Variants in DRC11 observed in about 807,000 individuals in gnomAD.
DRC11 encodes dynein regulatory complex subunit 11.
At chr2:236,315,330 A>G in the DRC11 span, among the ~76,000 whole-genome samples, 1 of 152,194 alleles carries the variant, frequency 6.6e-6, no homozygotes, top group Non-Finnish European at 1.5e-5. This position sits in a 1 kb window ranked among gnomAD's most constrained non-coding sequence, Gnocchi z 5.1. Flanking sequence ...GTAAACTCGC[A>G]GATATAAATG....
At chr2:236,359,624 C>T in the DRC11 span, among the ~76,000 whole-genome samples, 7 of 152,182 alleles carry the variant, frequency 4.6e-5, no homozygotes, top group African/African-American at 1.7e-4. This position sits in a 1 kb window ranked among gnomAD's most constrained non-coding sequence, Gnocchi z 4.3. Context: ...TCTTGAGCCA[C>T]AGCCCGTGTT....
At chr2:236,389,508 G>T in the DRC11 span, among the ~76,000 whole-genome samples, 1 of 152,204 alleles carries the variant, frequency 6.6e-6, no homozygotes, top group African/African-American at 2.4e-5. Flanking sequence ...GCAATGCCTC[G>T]CCCTGCTTCG....
At chr2:236,355,739 CTCTCTCTCTCTG>C in the DRC11 span, among the ~76,000 whole-genome samples, 26 of 147,450 alleles carry the variant, frequency 1.8e-4, no homozygotes, top group South Asian at 1.5e-3. Flanking sequence ...CTCTCTCTCT[CTCTCTCTCTCTG>C]TGTGTGTGTG....
chr2:236,358,188 A>T, the DRC11 span, among the ~76,000 whole-genome samples: 2 of 116,398 alleles, frequency 1.7e-5, no homozygotes, highest in African/African-American at 6.7e-5. Flanking sequence ...TACTCTATGA[A>T]TATATAATAT....
the DRC11 span, chr2:236,392,356 C>T: frequency 2.7e-6 from 4 of 1,504,754 alleles, no homozygotes; most frequent in South Asian, 3.7e-5. The surrounding 1 kb of genome is among the most constrained non-coding windows in gnomAD (Gnocchi z 5.1). Flanking sequence ...GATTTCTACA[C>T]TCCAGAAGGG....
At chr2:236,309,225 C>T in the DRC11 span, among the ~76,000 whole-genome samples, 1 of 152,180 alleles carries the variant, frequency 6.6e-6, no homozygotes. The surrounding 1 kb of genome is among the most constrained non-coding windows in gnomAD (Gnocchi z 5.7). Context: ...GTGCCCTGGC[C>T]CTGTCAGTCC....
chr2:236,375,830 G>A, the DRC11 span, among the ~76,000 whole-genome samples: 2 of 152,200 alleles, frequency 1.3e-5, no homozygotes, highest in Non-Finnish European at 2.9e-5. This position sits in a 1 kb window ranked among gnomAD's most constrained non-coding sequence, Gnocchi z 4.2. Flanking sequence ...ACAGAAGAAT[G>A]ATATCTATTC....
At chr2:236,505,673 G>C in the DRC11 span, among the ~76,000 whole-genome samples, 8,253 of 152,086 alleles carry the variant, frequency 0.054, 768 homozygotes, top group African/African-American at 0.19. Flanking sequence ...CACCTCCAGA[G>C]CACCCACCCA....
chr2:236,357,284 AT>A, the DRC11 span, among the ~76,000 whole-genome samples: 12 of 108,882 alleles, frequency 1.1e-4, no homozygotes, highest in African/African-American at 3.4e-4. Flanking sequence ...TATATTATAT[AT>A]TTATATATTA....
chr2:236,418,171 A>G, the DRC11 span, among the ~76,000 whole-genome samples: 930 of 152,266 alleles, frequency 6.1e-3, 9 homozygotes, highest in African/African-American at 0.021. Context: ...CAATGGTTGA[A>G]CTAATTTACA....
chr2:236,402,361 G>A, the DRC11 span, among the ~76,000 whole-genome samples: 1 of 152,146 alleles, frequency 6.6e-6, no homozygotes, highest in Non-Finnish European at 1.5e-5. The surrounding 1 kb of genome is among the most constrained non-coding windows in gnomAD (Gnocchi z 6.0). Flanking sequence ...AATCCACCAC[G>A]TCTTTTTTCA....
the DRC11 span, among the ~76,000 whole-genome samples, chr2:236,506,216 C>T: frequency 7.9e-5 from 12 of 152,206 alleles, no homozygotes; most frequent in Admixed American, 7.8e-4. The surrounding 1 kb of genome is among the most constrained non-coding windows in gnomAD (Gnocchi z 4.9). Context: ...CTCCTCTTCC[C>T]CCAGCCTTAC....
the DRC11 span, among the ~76,000 whole-genome samples, chr2:236,412,036 T>C: frequency 6.6e-6 from 1 of 151,548 alleles, no homozygotes; most frequent in African/African-American, 2.4e-5. Flanking sequence ...CCCTAAAACT[T>C]AAAGTATAAT....
the DRC11 span, among the ~76,000 whole-genome samples, chr2:236,416,721 TTATATATATATATA>T: frequency 2.7e-3 from 174 of 64,236 alleles, 1 homozygote; most frequent in Middle Eastern, 7.7e-3. Flanking sequence ...ATATATATAT[TTATATATATATATA>T]TATATATATA....
the DRC11 span, chr2:236,324,675 T>C: frequency 4.1e-6 from 6 of 1,478,030 alleles, no homozygotes; most frequent in African/African-American, 5.5e-5. This position sits in a 1 kb window ranked among gnomAD's most constrained non-coding sequence, Gnocchi z 5.7. Flanking sequence ...TTTTTTGCCT[T>C]TTTCTCTTTC....
chr2:236,349,478 A>G, the DRC11 span, among the ~76,000 whole-genome samples: 4 of 152,186 alleles, frequency 2.6e-5, no homozygotes, highest in Admixed American at 6.5e-5. This position sits in a 1 kb window ranked among gnomAD's most constrained non-coding sequence, Gnocchi z 5.5. Context: ...ATCAACAACT[A>G]TCTCTTCAGA....
chr2:236,370,309 C>T, the DRC11 span, among the ~76,000 whole-genome samples: 1 of 152,288 alleles, frequency 6.6e-6, no homozygotes, highest in East Asian at 1.9e-4. This position sits in a 1 kb window ranked among gnomAD's most constrained non-coding sequence, Gnocchi z 5.5. Flanking sequence ...TTAATGTTTA[C>T]AGCGATTTAG....
At chr2:236,307,624 G>A in the DRC11 span, among the ~76,000 whole-genome samples, 1 of 152,114 alleles carries the variant, frequency 6.6e-6, no homozygotes, top group Non-Finnish European at 1.5e-5. The surrounding 1 kb of genome is among the most constrained non-coding windows in gnomAD (Gnocchi z 7.0). Context: ...GGGTGATGGC[G>A]GGGGTGTCCT....
At chr2:236,396,228 AAG>A in the DRC11 span, among the ~76,000 whole-genome samples, 3 of 139,864 alleles carry the variant, frequency 2.1e-5, no homozygotes, top group African/African-American at 8.1e-5. Context: ...AGAGCGGAGA[AAG>A]AGCTTTTATC....
Sources: gnomAD v4.1 joint callset for allele counts (sites outside exome capture counted in the v4.1 genomes callset) on GRCh38, gnomAD v4.1.1 for gene constraint, Gnocchi (gnomAD v3.1) non-coding constraint, MANE v1.5 for transcripts, NCBI Gene and HGNC (gene_info 2026-07-23, HGNC 2026-07-21) for gene names.